Variants in TRABD2A observed in about 807,000 individuals in gnomAD.
The protein encoded by TRABD2A is metalloprotease TIKI1.
Under a neutral mutation model 45.6 loss-of-function variants are expected in TRABD2A, and 43 were observed. The observed-to-expected ratio is 0.94, with a 90% CI of 0.74 to 1.22. The LOEUF (loss-of-function observed/expected upper bound fraction) is 1.22. Among genes scored for constraint, TRABD2A ranks in the 50% most tolerant of loss-of-function variants. The pLI, the probability that TRABD2A is intolerant of heterozygous loss-of-function variation, is 0.00. For missense variants in TRABD2A, 642 were observed against 652.4 expected (o/e 0.98, Z 0.17); for synonymous variants, 269 against 265.0 (o/e 1.02, Z -0.15).
At chr2:84,878,422 G>GT (rs1441067105) in intron 1 of TRABD2A, among the ~76,000 whole-genome samples, 1 of 151,996 alleles carries the variant, frequency 6.6e-6, no homozygotes, top group African/African-American at 2.4e-5. Flanking sequence ...CTGCTCAGGA[G>GT]GCTGAGGCAG....
intron 2 of TRABD2A, among the ~76,000 whole-genome samples, chr2:84,864,674 C>A (rs1322280473): frequency 6.6e-6 from 1 of 152,210 alleles, no homozygotes; most frequent in Non-Finnish European, 1.5e-5. Context: ...GCTGACCCCC[C>A]ACAATCTTGC....
intron 2 of TRABD2A, among the ~76,000 whole-genome samples, chr2:84,849,794 G>T (rs780402377): frequency 6.6e-6 from 1 of 152,156 alleles, no homozygotes; most frequent in Non-Finnish European, 1.5e-5. Flanking sequence ...GGCTCAAGTC[G>T]CCAACAGGTG....
intron 4 of TRABD2A, chr2:84,838,371 C>T: frequency 1.6e-6 from 1 of 616,672 alleles, no homozygotes; most frequent in Non-Finnish European, 3.0e-6. Flanking sequence ...ATTTCCAGAG[C>T]TGTGGAAAAG....
rs562183670 is a variant in TRABD2A at position 84,848,124 on chromosome 2, A to G, written c.670-6117T>C. ...TGAGATACTTGGGATTGGGACTACA[A>G]TGTAAGAATTTGGGGATGAAGACAT... On this transcript the variant is annotated intron_variant, in intron 2 of 6. Coordinates refer to ENST00000409520, the MANE Select transcript of TRABD2A (RefSeq NM_001277053.2). 9.8e-5 allele frequency among the ~76,000 whole-genome samples: 15 copies of G among 152,290 alleles called. 1 individual carries two copies. The South Asian group carries it at 2.1e-3, about 21-fold the overall frequency.
intron 2 of TRABD2A, 63 bp from the exon 3 acceptor site, chr2:84,842,070 T>C (rs1313915334): frequency 1.1e-5 from 16 of 1,419,926 alleles, no homozygotes; most frequent in Non-Finnish European, 1.5e-5. Context: ...TCTTATTTCT[T>C]TTGTCCATGG....
chr2:84,848,734 C>G (rs1334188023), intron 2 of TRABD2A, among the ~76,000 whole-genome samples: 1 of 151,766 alleles, frequency 6.6e-6, no homozygotes, highest in Non-Finnish European at 1.5e-5. Flanking sequence ...CACCACCACG[C>G]CCAGCTATTT....
rs755189333 is a variant in TRABD2A, at chr2:84,823,978, C to A, written c.1309G>T (p.Asp437Tyr). The change falls in exon 6 of 7, where the codon GAT (aspartate) becomes TAT (tyrosine). Residue 437 changes from aspartate (D) to tyrosine (Y), a missense_variant. Physicochemically the swap from Asp to Tyr is radical, Grantham distance 160. Coordinates refer to ENST00000409520, the MANE Select transcript of TRABD2A (RefSeq NM_001277053.2). Reference protein sequence around the residue: ...QRRPRLRQFSDLWVRLEESDI... With the variant: ...QRRPRLRQFSYLWVRLEESDI... Reference sequence around the variant, plus strand: ...CTCTCCTCCAGGCGGACCCACAGATCGCTGAATTGCCGGAGTCGCGGCCTC... The same window carrying A: ...CTCTCCTCCAGGCGGACCCACAGATAGCTGAATTGCCGGAGTCGCGGCCTC... The A allele has an allele frequency of 4.3e-6, 7 of 1,613,834 alleles. No individual in the cohort carries two copies. The highest frequency in any genetic ancestry group is 3.3e-5 in the Admixed American group (2 of 60,002).
chr2:84,861,728 G>A (rs147674584), intron 2 of TRABD2A, among the ~76,000 whole-genome samples: 8 of 152,312 alleles, frequency 5.3e-5, no homozygotes, highest in African/African-American at 1.2e-4. Context: ...TCCTTTCCCC[G>A]AAAGTCAGGC....
intron 1 of TRABD2A, among the ~76,000 whole-genome samples, chr2:84,873,698 G>T (rs1333492520): frequency 1.3e-5 from 2 of 152,330 alleles, no homozygotes; most frequent in South Asian, 2.1e-4. Flanking sequence ...AGTTGAGATT[G>T]ACAGTTATGT....
At chr2:84,866,842 T>A (rs978604340) in intron 2 of TRABD2A, among the ~76,000 whole-genome samples, 7 of 152,202 alleles carry the variant, frequency 4.6e-5, no homozygotes, top group Non-Finnish European at 7.3e-5. Flanking sequence ...CGCAGCACTT[T>A]GGGAGACTGA....
intron 5 of TRABD2A, among the ~76,000 whole-genome samples, chr2:84,829,406 CACCACACAT>C (rs1294210219): frequency 8.2e-5 from 11 of 134,054 alleles, no homozygotes; most frequent in Non-Finnish European, 1.6e-4. Context: ...ACACCACACA[CACCACACAT>C]ACCACACACA....
chr2:84,851,327 T>C (rs1682087945), intron 2 of TRABD2A, among the ~76,000 whole-genome samples: 2 of 152,184 alleles, frequency 1.3e-5, no homozygotes, highest in South Asian at 2.1e-4. Flanking sequence ...GAAAGAGGCA[T>C]TGCATTTGGA....
intron 2 of TRABD2A, among the ~76,000 whole-genome samples, chr2:84,854,193 G>T (rs937489907): frequency 6.6e-6 from 1 of 152,006 alleles, no homozygotes; most frequent in African/African-American, 2.4e-5. Context: ...AAAGTATTTG[G>T]GAGGGTGTGC....
chr2:84,835,558 C>T (rs1258846519), intron 4 of TRABD2A: 1 of 152,238 alleles, frequency 6.6e-6, no homozygotes, highest in Non-Finnish European at 1.5e-5. Flanking sequence ...GGACTACAGG[C>T]ACACATCACT....
At chr2:84,832,375 T>A (rs1681369540) in intron 4 of TRABD2A, 2 of 536,158 alleles carry the variant, frequency 3.7e-6, no homozygotes, top group Non-Finnish European at 6.7e-6. Flanking sequence ...ATCAGAACAA[T>A]GCAGCAAGTT....
rs1218511110 is a variant in TRABD2A, at chr2:84,881,070, G to T, written c.-31C>A. Reference sequence around the variant, plus strand: ...TCAAGGCGGCTCCGAGGCCCGGAACGCGGAGGGAAGGAGTAGGGCAGAGGT... The same window carrying T: ...TCAAGGCGGCTCCGAGGCCCGGAACTCGGAGGGAAGGAGTAGGGCAGAGGT... On this transcript the variant is annotated 5_prime_UTR_variant, in exon 1 of 7. Coordinates refer to ENST00000409520, the MANE Select transcript of TRABD2A (RefSeq NM_001277053.2). 6.4e-7 allele frequency: 1 copy of T among 1,555,954 alleles called. No individual in the cohort carries two copies. The highest frequency in any genetic ancestry group is 8.7e-7 in the Non-Finnish European group (1 of 1,152,492).
intron 2 of TRABD2A, among the ~76,000 whole-genome samples, chr2:84,848,803 G>A (rs527413327): frequency 2.0e-5 from 3 of 151,992 alleles, no homozygotes; most frequent in Admixed American, 2.0e-4. Flanking sequence ...TGAACTCCTG[G>A]CCTCAAGTGA....
chr2:84,823,998 G>GCA lies in TRABD2A; in HGVS notation c.1288_1289insTG (p.Pro430LeufsTer19). ...CAGATCGCTGAATTGCCGGAGTCGC[G>GCA]GCCTCCGCTGTGACCGCCTCCGCTT... On this transcript the variant is annotated frameshift_variant, in exon 6 of 7. Coordinates refer to ENST00000409520, the MANE Select transcript of TRABD2A (RefSeq NM_001277053.2). LOFTEE classifies it low-confidence loss of function (END_TRUNC). 6.2e-7 allele frequency: 1 copy of GCA among 1,613,578 alleles called. No homozygotes were observed. Among genetic ancestry groups the GCA allele is most frequent in the Non-Finnish European group, 8.5e-7 (1 of 1,179,776 alleles).
chr2:84,866,557 C>A (rs927295380), intron 2 of TRABD2A, among the ~76,000 whole-genome samples: 14 of 152,126 alleles, frequency 9.2e-5, no homozygotes, highest in African/African-American at 3.1e-4. Flanking sequence ...ATCAATGATA[C>A]CACTCATCTT....
Sources: allele counts gnomAD v4.1 joint callset (sites outside exome capture counted in the v4.1 genomes callset), GRCh38; gene constraint gnomAD v4.1.1; transcripts MANE v1.5; gene names NCBI Gene and HGNC (gene_info 2026-07-23, HGNC 2026-07-21).